GRIA3: variants seen among roughly 807,000 people sequenced by gnomAD.
GRIA3 encodes the protein glutamate receptor 3.
In GRIA3, 3 loss-of-function variants were observed where a neutral mutation model predicts 63.0. The ratio of observed to expected loss-of-function variants is 0.05; its 90% CI spans 0.02 to 0.12. The LOEUF (loss-of-function observed/expected upper bound fraction) is 0.12, where lower values mean the gene tolerates loss of function less well. Ranked by LOEUF, GRIA3 falls within the 10% of genes least tolerant of loss-of-function variation. GRIA3 has a pLI of 1.00. For synonymous variants in GRIA3, 274 were observed against 257.9 expected (o/e 1.06, Z -0.60); for missense variants, 347 against 700.9 (o/e 0.50, Z 5.70).
chrX:123,490,038 C>T lies in GRIA3; in HGVS notation c.*1328C>T, dbSNP rs1390891582. 8.9e-6 allele frequency: 1 copy of T among 112,385 alleles called. No homozygotes were observed. The highest frequency in any genetic ancestry group is 1.9e-5 in the Non-Finnish European group (1 of 53,276). 9.3% of individuals were successfully genotyped at this position (112,385 alleles called of 1,213,427 possible). On this transcript the variant is annotated 3_prime_UTR_variant, in exon 16 of 16. Transcript: ENST00000620443. ...TATCAAGTAACTAACTGCATACCTG[C>T]CGTTGGCATCATCAGAACAGTCCGA... is the stretch of plus-strand genomic sequence containing the variant.
chrX:123,197,715 T>C (rs965499524), intron 2 of GRIA3, among the ~76,000 whole-genome samples: 1 of 112,120 alleles, frequency 8.9e-6, no homozygotes, highest in East Asian at 2.8e-4. Flanking sequence ...GATAAAAATA[T>C]TGAATCCTTG....
intron 2 of GRIA3, among the ~76,000 whole-genome samples, chrX:123,236,867 G>A (rs1307309281): frequency 8.9e-6 from 1 of 111,803 alleles, no homozygotes; most frequent in African/African-American, 3.3e-5. Flanking sequence ...TGACACAAAA[G>A]TAACAGAACA....
intron 3 of GRIA3, among the ~76,000 whole-genome samples, chrX:123,285,302 A>T (rs2044610748): frequency 9.0e-6 from 1 of 110,770 alleles, no homozygotes; most frequent in South Asian, 3.9e-4. Context: ...AAAACATATA[A>T]ATTGTAAAGA....
At chrX:123,363,999 A>G (rs889533836) in intron 5 of GRIA3, among the ~76,000 whole-genome samples, 1 of 111,616 alleles carries the variant, frequency 9.0e-6, no homozygotes, top group Non-Finnish European at 1.9e-5. Context: ...CCCACTGCAC[A>G]CAAAGATTAC....
chrX:123,204,624 G>T, intron 2 of GRIA3: 1 of 1,089,641 alleles, frequency 9.2e-7, no homozygotes, highest in Non-Finnish European at 1.2e-6. Flanking sequence ...GATGGGACAG[G>T]ATCAAAGTTG....
At chrX:123,413,357 T>C (rs1441539312) in intron 10 of GRIA3, among the ~76,000 whole-genome samples, 1 of 108,300 alleles carries the variant, frequency 9.2e-6, no homozygotes, top group Non-Finnish European at 1.9e-5. Flanking sequence ...AGATGAAAAA[T>C]ACTGGTTAAA....
At chrX:123,428,984 A>C (rs996223145) in intron 12 of GRIA3, among the ~76,000 whole-genome samples, 3 of 111,819 alleles carry the variant, frequency 2.7e-5, no homozygotes, top group Non-Finnish European at 5.6e-5. Context: ...AACAAGAAAA[A>C]TATGCTAATT....
rs754584964 is a variant in GRIA3 at position 123,489,306 on chromosome X, T to C, written c.*596T>C. On this transcript the variant is annotated 3_prime_UTR_variant, in exon 16 of 16. Transcript: ENST00000620443. The stretch of plus-strand genomic sequence containing the variant: ...CTGTGCACTCTATTTCCTTTCAATG[T>C]TGCTGAAATGTGTATATCTTTAGAA... 8.9e-6 allele frequency: 1 copy of C among 112,735 alleles called. No homozygotes were observed. The highest frequency in any genetic ancestry group is 3.7e-4 in the South Asian group (1 of 2,718). The allele number at this position is 112,735 out of a possible 1,213,427, so 9.3% of individuals were successfully genotyped here.
In GRIA3 at chrX:123,333,246, A is replaced by G. The variant is rs1005124292; in HGVS notation, c.696+7033A>G. 3.8e-4 allele frequency among the ~76,000 whole-genome samples: 43 copies of G among 112,024 alleles called. 2 individuals are homozygous for G. The Admixed American group carries it at 4.0e-3, about 10-fold the overall frequency. The stretch of plus-strand genomic sequence containing the variant: ...TGAGAGAAACAAGGAGTATACAGAA[A>G]GGGATCTCTTGGAGTAGATGAGTAA... On this transcript the variant is annotated intron_variant, in intron 4 of 15. Coordinates refer to ENST00000620443, the MANE Select transcript of GRIA3 (RefSeq NM_007325.5).
chrX:123,402,305 T>C (rs953256036), intron 7 of GRIA3, among the ~76,000 whole-genome samples: 1 of 110,737 alleles, frequency 9.0e-6, no homozygotes, highest in Non-Finnish European at 1.9e-5. Flanking sequence ...AAATCCATTT[T>C]GGTTAATAAT....
At position 123,279,267 on chromosome X, in the gene GRIA3, C is replaced by T. The variant is rs774518260; in HGVS notation, c.508+25725C>T. Among the ~76,000 whole-genome samples the T allele has an allele frequency of 5.4e-5, 6 of 111,098 alleles. No homozygotes were observed. The East Asian group carries it at 1.7e-3, about 32-fold the overall frequency. ...AAGTTGGTCAAAGGATACATAATTA[C>T]AGTTATATAGGAGGAAGAAATTTCA... is the stretch of plus-strand genomic sequence containing the variant. On this transcript the variant is annotated intron_variant, in intron 3 of 15. Coordinates refer to ENST00000620443, the MANE Select transcript of GRIA3 (RefSeq NM_007325.5).
intron 2 of GRIA3, among the ~76,000 whole-genome samples, chrX:123,209,186 G>A (rs748799711): frequency 9.8e-4 from 109 of 111,724 alleles, no homozygotes; most frequent in African/African-American, 3.3e-3. Context: ...ACTCTGCCAC[G>A]TAACTAACCA....
chrX:123,434,887 G>C, intron 12 of GRIA3, among the ~76,000 whole-genome samples: 1 of 112,312 alleles, frequency 8.9e-6, no homozygotes, highest in African/African-American at 3.2e-5. Flanking sequence ...GCCTCCAAGA[G>C]AAAGGAAAGC....
chrX:123,430,029 A>G (rs2045609294), intron 12 of GRIA3, among the ~76,000 whole-genome samples: 1 of 111,797 alleles, frequency 8.9e-6, no homozygotes, highest in Non-Finnish European at 1.9e-5. Context: ...TCATGCCCAG[A>G]CCCCATCTCC....
intron 3 of GRIA3, among the ~76,000 whole-genome samples, chrX:123,290,285 T>C (rs2044647508): frequency 8.9e-6 from 1 of 111,976 alleles, no homozygotes; most frequent in East Asian, 2.8e-4. Flanking sequence ...CAGCTATGGG[T>C]CTGCCCGAGT....
At chrX:123,484,811 C>T (rs1216683860) in intron 15 of GRIA3, among the ~76,000 whole-genome samples, 1 of 112,685 alleles carries the variant, frequency 8.9e-6, no homozygotes, top group Non-Finnish European at 1.9e-5. Context: ...TCTTATAGTT[C>T]ACACTGTGGA....
intron 13 of GRIA3, among the ~76,000 whole-genome samples, chrX:123,478,670 T>C (rs1228271098): frequency 8.9e-6 from 1 of 112,489 alleles, no homozygotes; most frequent in Non-Finnish European, 1.9e-5. Context: ...TCTGTGACTA[T>C]AGCAAGTCTT....
At chrX:123,420,861 TA>T (rs1379196185) in intron 11 of GRIA3, among the ~76,000 whole-genome samples, 1 of 111,259 alleles carries the variant, frequency 9.0e-6, no homozygotes, top group Non-Finnish European at 1.9e-5. Context: ...TTTTTCAAAG[TA>T]TGTATTTTAT....
intron 2 of GRIA3, among the ~76,000 whole-genome samples, chrX:123,225,491 T>A (rs1479229661): frequency 8.9e-6 from 1 of 112,067 alleles, no homozygotes; most frequent in African/African-American, 3.2e-5. Context: ...TTCTCTGTAG[T>A]CAAGTAATAA....
Sources: gnomAD v4.1 joint callset for allele counts (sites outside exome capture counted in the v4.1 genomes callset) on GRCh38, gnomAD v4.1.1 for gene constraint, MANE v1.5 for transcripts, NCBI Gene and HGNC (gene_info 2026-07-23, HGNC 2026-07-21) for gene names.